Variants in RAD23B observed in about 807,000 individuals in gnomAD.
RAD23B encodes RAD23 nucleotide excision repair protein B.
Under a neutral mutation model 49.1 loss-of-function variants are expected in RAD23B, and 5 were observed. The ratio of observed to expected loss-of-function variants is 0.10; its 90% CI spans 0.05 to 0.21. The LOEUF (loss-of-function observed/expected upper bound fraction) is 0.21. Among genes scored for constraint, RAD23B ranks in the 10% least tolerant of loss-of-function variants. The pLI, the probability that RAD23B is intolerant of heterozygous loss-of-function variation, is 1.00. For missense variants in RAD23B, 356 were observed against 486.7 expected (o/e 0.73, Z 2.53); for synonymous variants, 184 against 165.4 (o/e 1.11, Z -0.86).
Position 107,284,119 on chromosome 9 carries a change from A to G in RAD23B, c.66+424A>G, listed in dbSNP as rs576979579. On this transcript the variant is annotated intron_variant, in intron 1 of 9. Coordinates refer to ENST00000358015, the MANE Select transcript of RAD23B (RefSeq NM_002874.5). ...GGACCTGGTTAGCCGCTTAGTTCCCAGAGTTGGTAACCCGAGAAGATGAGC... is the reference window on the plus strand; with the variant it reads ...GGACCTGGTTAGCCGCTTAGTTCCCGGAGTTGGTAACCCGAGAAGATGAGC... 14 of 995,568 alleles carry G rather than the reference A, an allele frequency of 1.4e-5. No homozygotes were observed. The East Asian group carries it at 7.5e-4, about 53-fold the overall frequency. 61.7% of individuals were successfully genotyped at this position (995,568 alleles called of 1,614,324 possible). A position where few individuals can be genotyped will look rare whatever the true frequency, so the allele number is the denominator to read the frequency against.
chr9:107,287,292 A>T (rs1833290826), intron 1 of RAD23B, among the ~76,000 whole-genome samples: 1 of 152,216 alleles, frequency 6.6e-6, no homozygotes, highest in South Asian at 2.1e-4. Flanking sequence ...AAGAAAAAGT[A>T]TGTGATATAC....
intron 1 of RAD23B, among the ~76,000 whole-genome samples, chr9:107,289,937 C>G (rs1833348445): frequency 6.6e-6 from 1 of 152,118 alleles, no homozygotes; most frequent in Admixed American, 6.5e-5. Flanking sequence ...ATTGACTTGT[C>G]TTGCTTAAAT....
At chr9:107,326,573 T>A (rs1827206900) in intron 9 of RAD23B, among the ~76,000 whole-genome samples, 1 of 150,680 alleles carries the variant, frequency 6.6e-6, no homozygotes, top group African/African-American at 2.4e-5. Flanking sequence ...TGGGGGGAAG[T>A]TTTGTGATTA....
At chr9:107,312,921 A>G (rs73668770) in intron 5 of RAD23B, among the ~76,000 whole-genome samples, 3,924 of 152,236 alleles carry the variant, frequency 0.026, 172 homozygotes, top group African/African-American at 0.089. Context: ...CTGGGAGGCC[A>G]TGCTGTAGCT....
chr9:107,290,534 A>C (rs1255580376), intron 1 of RAD23B, among the ~76,000 whole-genome samples: 1 of 152,166 alleles, frequency 6.6e-6, no homozygotes, highest in Non-Finnish European at 1.5e-5. Flanking sequence ...CCTAAAAGGG[A>C]GTCCTCACAA....
intron 3 of RAD23B, among the ~76,000 whole-genome samples, chr9:107,302,909 G>C (rs1826687758): frequency 6.6e-6 from 1 of 152,170 alleles, no homozygotes; most frequent in Non-Finnish European, 1.5e-5. Flanking sequence ...GCCCGCCTCG[G>C]CCTCCCAAAG....
At chr9:107,300,780 C>G (rs1435667794) in intron 2 of RAD23B, among the ~76,000 whole-genome samples, 1 of 152,130 alleles carries the variant, frequency 6.6e-6, no homozygotes, top group African/African-American at 2.4e-5. Context: ...ATTAAAAATA[C>G]ATTTGATATC....
At chr9:107,313,666 A>G (rs1826934353) in intron 5 of RAD23B, among the ~76,000 whole-genome samples, 1 of 152,216 alleles carries the variant, frequency 6.6e-6, no homozygotes, top group Non-Finnish European at 1.5e-5. Flanking sequence ...CAGCTGCAGT[A>G]CAGATCTCCC....
intron 5 of RAD23B, among the ~76,000 whole-genome samples, chr9:107,312,810 C>T (rs1366850405): frequency 6.6e-6 from 1 of 151,970 alleles, no homozygotes; most frequent in Non-Finnish European, 1.5e-5. Context: ...TCGGCTCCAG[C>T]TGGAGCCAGC....
At position 107,329,531 on chromosome 9, in the gene RAD23B, T is replaced by G; in HGVS notation, c.1117-12T>G. 1 of 1,549,848 alleles carries G rather than the reference T, an allele frequency of 6.5e-7. No individual in the cohort carries two copies. The highest frequency in any genetic ancestry group is 8.8e-7 in the Non-Finnish European group (1 of 1,131,800). On this transcript the variant is annotated splice_polypyrimidine_tract_variant and intron_variant, in intron 9 of 9. Transcript: ENST00000358015. ...GTGTGTTGGATTTATATTTTTTTCC[T>G]TTTTCTTCCAGTTAAAGGCATTAGG...
In RAD23B at chr9:107,283,301, C is replaced by T. The variant is rs1021598794; in HGVS notation, c.-329C>T. 2.7e-5 allele frequency: 11 copies of T among 404,302 alleles called. No individual in the cohort carries two copies. Among genetic ancestry groups the T allele is most frequent in the Middle Eastern group, 6.2e-4 (1 of 1,624 alleles). The allele number at this position is 404,302 out of a possible 1,614,324, so 25.0% of individuals were successfully genotyped here. A position where few individuals can be genotyped will look rare whatever the true frequency, so the allele number is the denominator to read the frequency against. On this transcript the variant is annotated 5_prime_UTR_variant, in exon 1 of 10. Transcript: ENST00000358015. Reference sequence around the variant, plus strand: ...GGCGAGTCACGATGATGGCGGCCACCATCCTGTGGTGAGCTAGCGGATTCC... The same window carrying T: ...GGCGAGTCACGATGATGGCGGCCACTATCCTGTGGTGAGCTAGCGGATTCC...
chr9:107,284,618 A>G lies in RAD23B; in HGVS notation c.66+923A>G, dbSNP rs183570844. 3.4e-3 allele frequency: 2,224 copies of G among 646,326 alleles called. 4 individuals are homozygous for G. The highest frequency in any genetic ancestry group is 4.1e-3 in the Non-Finnish European group (2,029 of 489,742). The allele number at this position is 646,326 out of a possible 1,614,324, so 40.0% of individuals were successfully genotyped here. A position where few individuals can be genotyped will look rare whatever the true frequency, so the allele number is the denominator to read the frequency against. On this transcript the variant is annotated intron_variant, in intron 1 of 9. Coordinates refer to ENST00000358015, the MANE Select transcript of RAD23B (RefSeq NM_002874.5). ...AAGAGACACTGTTGAGGTCAGTACA[A>G]CTTTATGCCAAGAATCTAAAAACGC... is the stretch of plus-strand genomic sequence containing the variant.
At chr9:107,295,831 G>A (rs1214735946) in intron 1 of RAD23B, among the ~76,000 whole-genome samples, 1 of 152,180 alleles carries the variant, frequency 6.6e-6, no homozygotes, top group East Asian at 1.9e-4. Flanking sequence ...TAGAGGTTGA[G>A]TACTGACAAA....
chr9:107,311,670 A>T lies in RAD23B; in HGVS notation c.498-12A>T, dbSNP rs1826890189. On this transcript the variant is annotated splice_polypyrimidine_tract_variant and intron_variant, in intron 4 of 9. Transcript: ENST00000358015. Reference sequence around the variant, plus strand: ...CTTTTTAAAATGTGATTTTTCTAAAATCCTTTTGTAGTACATCGGGTGATT... The same window carrying T: ...CTTTTTAAAATGTGATTTTTCTAAATTCCTTTTGTAGTACATCGGGTGATT... 2 of 1,566,694 alleles carry T rather than the reference A, an allele frequency of 1.3e-6. No individual in the cohort carries two copies. Among genetic ancestry groups the T allele is most frequent in the African/African-American group, 2.8e-5 (2 of 72,320 alleles).
intron 1 of RAD23B, among the ~76,000 whole-genome samples, chr9:107,292,934 CACTT>C (rs916702235): frequency 5.9e-5 from 9 of 152,128 alleles, no homozygotes; most frequent in African/African-American, 1.7e-4. Context: ...GAACAGTAAA[CACTT>C]ACTATTTCAT....
At chr9:107,307,973 A>G (rs1466350262) in intron 4 of RAD23B, among the ~76,000 whole-genome samples, 1 of 152,216 alleles carries the variant, frequency 6.6e-6, no homozygotes, top group East Asian at 1.9e-4. Context: ...AAGCTGTTAC[A>G]TCAAAGGGCT....
chr9:107,287,281 C>T (rs1833290495), intron 1 of RAD23B, among the ~76,000 whole-genome samples: 1 of 151,906 alleles, frequency 6.6e-6, no homozygotes, highest in Admixed American at 6.6e-5. Flanking sequence ...GAAATGGTGA[C>T]AAGAAAAAGT....
At chr9:107,291,601 G>A (rs1833386257) in intron 1 of RAD23B, among the ~76,000 whole-genome samples, 1 of 152,176 alleles carries the variant, frequency 6.6e-6, no homozygotes, top group Admixed American at 6.5e-5. Flanking sequence ...TATTTGTACT[G>A]AAGTCAGCTG....
At position 107,329,641 on chromosome 9, in the gene RAD23B, C is replaced by G. The variant is rs769787918; in HGVS notation, c.1215C>G (p.Asn405Lys). ...CTGCCAATTTTCTTCTACAGCAGAACTTTGATGAAGATTGAAAGGGACTTT... is the reference window on the plus strand; with the variant it reads ...CTGCCAATTTTCTTCTACAGCAGAAGTTTGATGAAGATTGAAAGGGACTTT... ...NLAANFLLQQ[N>K]FDED Residue 405 changes from asparagine (N) to lysine (K), a missense_variant, in exon 10 of 10, where the codon AAC (asparagine) becomes AAG (lysine). Physicochemically the swap from Asn to Lys is moderately conservative, Grantham distance 94 (BLOSUM62 0). Around this residue, in one of 5 missense-constraint regions of RAD23B, gnomAD observed 8 missense variants for 47.2 expected, o/e 0.17. Coordinates refer to ENST00000358015, the MANE Select transcript of RAD23B (RefSeq NM_002874.5). The G allele has an allele frequency of 5.6e-6, 9 of 1,610,148 alleles. No homozygotes were observed. Among genetic ancestry groups the G allele is most frequent in the Non-Finnish European group, 7.6e-6 (9 of 1,176,650 alleles).
Sources: gnomAD v4.1 joint callset for allele counts (sites outside exome capture counted in the v4.1 genomes callset) on GRCh38, gnomAD v4.1.1 for gene constraint, gnomAD v4.1.1 regional missense constraint, MANE v1.5 for transcripts, NCBI Gene and HGNC (gene_info 2026-07-23, HGNC 2026-07-21) for gene names.